RNF121: variants seen among roughly 807,000 people sequenced by gnomAD.
RNF121 encodes ring finger protein 121.
A neutral mutation model predicts 46.5 loss-of-function variants in RNF121; 21 were observed. That is an observed-to-expected ratio of 0.45 (90% confidence interval 0.32 to 0.65). The LOEUF (loss-of-function observed/expected upper bound fraction) is 0.65, where lower values mean the gene tolerates loss of function less well. RNF121 is among the 30% of genes least tolerant of loss of function. The pLI is 0.04. For missense variants in RNF121, 346 were observed against 416.0 expected, an observed-to-expected ratio of 0.83 and a Z score of 1.46; for synonymous variants, 139 against 144.7, an observed-to-expected ratio of 0.96 and a Z score of 0.28.
At chr11:71,951,295 C>T (rs1303461023) in intron 1 of RNF121, among the ~76,000 whole-genome samples, 1 of 151,822 alleles carries the variant, frequency 6.6e-6, no homozygotes, top group Non-Finnish European at 1.5e-5. Flanking sequence ...GAGAGAGGTA[C>T]CCTATTCATT....
chr11:71,950,697 G>T (rs1196297263), intron 1 of RNF121, among the ~76,000 whole-genome samples: 1 of 151,858 alleles, frequency 6.6e-6, no homozygotes, highest in Non-Finnish European at 1.5e-5. Flanking sequence ...CTGTCTCCCA[G>T]GCTGGAGTGC....
At chr11:71,963,747 A>G (rs1333590022) in intron 3 of RNF121, among the ~76,000 whole-genome samples, 9 of 152,252 alleles carry the variant, frequency 5.9e-5, no homozygotes, top group Non-Finnish European at 1.5e-5. Flanking sequence ...TTGTCCCAGC[A>G]TCATTTATTG....
At chr11:71,980,183 G>A (rs1232000614) in intron 3 of RNF121, among the ~76,000 whole-genome samples, 1 of 152,106 alleles carries the variant, frequency 6.6e-6, no homozygotes, top group African/African-American at 2.4e-5. Context: ...GTCAGTTGTG[G>A]GTTCCTATGT....
Position 71,992,113 on chromosome 11 carries a change from A to T in RNF121, c.627+1396A>T, listed in dbSNP as rs370477935. ...AGCAAGACGTTGTCTCTAAATAAGT[A>T]AAAATTCACAAAATGTATAATAATC... On this transcript the variant is annotated intron_variant, in intron 6 of 8. Coordinates refer to ENST00000361756, the MANE Select transcript of RNF121 (RefSeq NM_018320.5). 9.8e-5 allele frequency among the ~76,000 whole-genome samples: 15 copies of T among 152,326 alleles called. No individual in the cohort carries two copies. In the East Asian group the frequency reaches 1.7e-3, roughly 18 times the overall value.
chr11:71,956,011 T>C (rs146757552), intron 1 of RNF121, among the ~76,000 whole-genome samples: 63 of 152,308 alleles, frequency 4.1e-4, no homozygotes, highest in African/African-American at 1.5e-3. Context: ...AAAGGCCACC[T>C]TCAATAGTGA....
At chr11:71,986,114 A>C (rs560375629) in intron 4 of RNF121, among the ~76,000 whole-genome samples, 9 of 152,140 alleles carry the variant, frequency 5.9e-5, no homozygotes, top group African/African-American at 1.9e-4. Flanking sequence ...CTTTCATCCA[A>C]CTCAAAGGTA....
chr11:71,958,585 G>A (rs1954049171), intron 2 of RNF121, among the ~76,000 whole-genome samples: 1 of 152,026 alleles, frequency 6.6e-6, no homozygotes, highest in Admixed American at 6.6e-5. Context: ...ACCTGCCCAG[G>A]TGTGGTAGCT....
At chr11:71,934,177 T>G (rs1241191843) in intron 1 of RNF121, among the ~76,000 whole-genome samples, 2 of 152,216 alleles carry the variant, frequency 1.3e-5, no homozygotes, top group Admixed American at 6.5e-5. Context: ...TTTTCTCTGT[T>G]TAAGTTTGTT....
At chr11:71,940,080 G>C (rs1296111174) in intron 1 of RNF121, among the ~76,000 whole-genome samples, 2 of 152,176 alleles carry the variant, frequency 1.3e-5, no homozygotes, top group Non-Finnish European at 1.5e-5. Flanking sequence ...GGCCACTTTA[G>C]GCCAAGGTAA....
intron 3 of RNF121, among the ~76,000 whole-genome samples, chr11:71,970,567 C>T (rs560404106): frequency 2.6e-5 from 4 of 151,874 alleles, no homozygotes; most frequent in Non-Finnish European, 5.9e-5. Context: ...GAGGCTGAGG[C>T]GGGAAGATTG....
intron 3 of RNF121, among the ~76,000 whole-genome samples, chr11:71,969,699 A>C (rs1275481770): frequency 1.3e-5 from 2 of 152,120 alleles, no homozygotes; most frequent in Non-Finnish European, 2.9e-5. Context: ...GGTAAATGGG[A>C]CCACAGGTGT....
At chr11:71,941,591 G>A (rs1953570284) in intron 1 of RNF121, among the ~76,000 whole-genome samples, 1 of 152,194 alleles carries the variant, frequency 6.6e-6, no homozygotes, top group Admixed American at 6.5e-5. Context: ...GAAAAGTAAT[G>A]TAATGTGATA....
At position 71,997,355 on chromosome 11, in the gene RNF121, C is replaced by T. The variant is rs982239457; in HGVS notation, c.*1040C>T. On this transcript the variant is annotated 3_prime_UTR_variant, in exon 9 of 9. Coordinates refer to ENST00000361756, the MANE Select transcript of RNF121 (RefSeq NM_018320.5). ...GATTTTTGTCATTCATGGGTCCTCC[C>T]TGGGCCTGACAACGGGAGTGGTGGG... The T allele has an allele frequency of 1.3e-5, 2 of 152,184 alleles. No homozygotes were observed. The highest frequency in any genetic ancestry group is 3.9e-4 in the East Asian group (2 of 5,190). 9.4% of individuals were successfully genotyped at this position (152,184 alleles called of 1,614,324 possible). A position where few individuals can be genotyped will look rare whatever the true frequency, so the allele number is the denominator to read the frequency against.
intron 1 of RNF121, among the ~76,000 whole-genome samples, chr11:71,942,697 G>A (rs918307107): frequency 6.6e-6 from 1 of 151,464 alleles, no homozygotes; most frequent in Non-Finnish European, 1.5e-5. Flanking sequence ...CTGGGAGGCG[G>A]AGGTTGCAGT....
chr11:71,948,517 A>AG (rs1953780826), intron 1 of RNF121, among the ~76,000 whole-genome samples: 1 of 140,168 alleles, frequency 7.1e-6, no homozygotes, highest in African/African-American at 2.6e-5. Context: ...TGTCTCCAAA[A>AG]AAAAAAAAAA....
intron 3 of RNF121, among the ~76,000 whole-genome samples, chr11:71,963,203 T>G (rs1377784132): frequency 2.0e-5 from 3 of 152,220 alleles, no homozygotes; most frequent in Non-Finnish European, 4.4e-5. Flanking sequence ...ATAAACAGTT[T>G]TTAATTTTGA....
intron 3 of RNF121, among the ~76,000 whole-genome samples, chr11:71,973,205 A>G (rs1210507174): frequency 1.3e-5 from 2 of 151,586 alleles, no homozygotes; most frequent in African/African-American, 2.4e-5. Context: ...AAAAGAGGGA[A>G]ATGTAGGCTG....
At chr11:71,969,016 G>C (rs1954358479) in intron 3 of RNF121, among the ~76,000 whole-genome samples, 1 of 151,286 alleles carries the variant, frequency 6.6e-6, no homozygotes, top group African/African-American at 2.4e-5. Flanking sequence ...CTCCCAAGTA[G>C]CTGGGATTAT....
intron 3 of RNF121, among the ~76,000 whole-genome samples, chr11:71,977,533 T>C (rs1428955732): frequency 6.6e-6 from 1 of 152,240 alleles, no homozygotes; most frequent in Non-Finnish European, 1.5e-5. Flanking sequence ...TGTTTTAGCC[T>C]TGTGGAGGGA....
Sources: allele counts gnomAD v4.1 joint callset (sites outside exome capture counted in the v4.1 genomes callset), GRCh38; gene constraint gnomAD v4.1.1; transcripts MANE v1.5; gene names NCBI Gene and HGNC (gene_info 2026-07-23, HGNC 2026-07-21).